PAM: variants seen among roughly 807,000 people sequenced by gnomAD.
The protein encoded by PAM is peptidyl-glycine alpha-amidating monooxygenase.
PAM carries 72 observed loss-of-function variants against 122.1 expected under a neutral mutation model. The observed-to-expected ratio is 0.59, with a 90% CI of 0.49 to 0.72. The LOEUF is 0.72. Ranked by LOEUF, PAM falls within the 30% of genes least tolerant of loss-of-function variation. The probability of loss-of-function intolerance (pLI) is 0.00; values close to 1 mark genes in which losing one functional copy is unlikely to be tolerated. For synonymous variants in PAM, 389 were observed against 404.4 expected, an observed-to-expected ratio of 0.96 and a Z score of 0.46; for missense variants, 1,106 against 1,183.7, an observed-to-expected ratio of 0.93 and a Z score of 0.96.
intron 22 of PAM, among the ~76,000 whole-genome samples, chr5:103,018,391 A>T (rs570404846): frequency 1.1e-4 from 16 of 152,348 alleles, no homozygotes; most frequent in African/African-American, 3.8e-4. Flanking sequence ...ATCAGATACG[A>T]TATAGGGCTT....
In PAM at chr5:102,922,944, G is replaced by A. The variant is rs111249013; in HGVS notation, c.357-2013G>A. On this transcript the variant is annotated intron_variant, in intron 5 of 25. Transcript: ENST00000438793. Reference sequence around the variant, plus strand: ...GAGCCTTTTAGCACACTTGGCACAAGGATGTCACAGACATTTCTTCCAACG... The same window carrying A: ...GAGCCTTTTAGCACACTTGGCACAAAGATGTCACAGACATTTCTTCCAACG... Among the ~76,000 whole-genome samples the A allele has an allele frequency of 5.1e-3, 775 of 152,272 alleles. 7 individuals carry two copies. Among genetic ancestry groups the A allele is most frequent in the African/African-American group, 0.018 (742 of 41,560 alleles).
At chr5:102,945,661 T>C (rs916334744) in intron 7 of PAM, among the ~76,000 whole-genome samples, 21 of 152,038 alleles carry the variant, frequency 1.4e-4, no homozygotes, top group African/African-American at 4.8e-4. Context: ...TCCCCCCCTC[T>C]CTCCTTTTTA....
chr5:102,821,212 G>T (rs1462704585), intron 1 of PAM, among the ~76,000 whole-genome samples: 2 of 152,182 alleles, frequency 1.3e-5, no homozygotes, highest in Admixed American at 1.3e-4. Flanking sequence ...TTCTTTAAGA[G>T]AAGTTTTAGC....
In PAM at chr5:102,974,218, T is replaced by A. The variant is rs772935065; in HGVS notation, c.1265T>A (p.Leu422Gln). The A allele has an allele frequency of 6.2e-7, 1 of 1,613,772 alleles. No individual in the cohort carries two copies. The highest frequency in any genetic ancestry group is 1.7e-5 in the Admixed American group (1 of 59,996). Residue 422 changes from leucine (L) to glutamine (Q), a missense_variant, in exon 15 of 26, where the codon CTG becomes CAG. Leu to Gln is a moderately radical substitution (Grantham distance 113). This residue lies in a region of PAM where 670 missense variants were observed against 690.3 expected (regional missense o/e 0.97). Transcript: ENST00000438793. ...GAAAAGGCAGAATCAGAGTCAGACCTGGTAGCTGAGATTGCAAATGTAGTC... is the reference window on the plus strand; with the variant it reads ...GAAAAGGCAGAATCAGAGTCAGACCAGGTAGCTGAGATTGCAAATGTAGTC... ...PTEKAESESD[L>Q]VAEIANVVQK...
At chr5:103,006,036 G>A (rs1394425535) in intron 18 of PAM, among the ~76,000 whole-genome samples, 1 of 152,066 alleles carries the variant, frequency 6.6e-6, no homozygotes, top group East Asian at 1.9e-4. Flanking sequence ...CCAGGCTGAG[G>A]TGATCCTCCC....
intron 1 of PAM, among the ~76,000 whole-genome samples, chr5:102,848,773 G>C (rs530925816): frequency 4.6e-5 from 7 of 152,282 alleles, no homozygotes; most frequent in Non-Finnish European, 8.8e-5. Flanking sequence ...CAGTGGAAAA[G>C]AAATGCCAGG....
intron 1 of PAM, among the ~76,000 whole-genome samples, chr5:102,757,871 CA>C (rs1313659686): frequency 1.3e-5 from 2 of 150,684 alleles, no homozygotes; most frequent in African/African-American, 2.4e-5. Flanking sequence ...CTTCTCTCTA[CA>C]AAAAATATTA....
intron 3 of PAM, among the ~76,000 whole-genome samples, chr5:102,876,248 A>G (rs1789168370): frequency 6.6e-6 from 1 of 152,142 alleles, no homozygotes; most frequent in African/African-American, 2.4e-5. Context: ...CACAACAGCC[A>G]TCTTTTCAAC....
At chr5:102,966,872 T>G (rs1764230925) in intron 14 of PAM, among the ~76,000 whole-genome samples, 1 of 152,124 alleles carries the variant, frequency 6.6e-6, no homozygotes, top group Admixed American at 6.6e-5. Flanking sequence ...AATGAAGAAC[T>G]AGTAATGTGT....
chr5:102,823,446 T>C (rs1580578870), intron 1 of PAM, among the ~76,000 whole-genome samples: 2 of 152,152 alleles, frequency 1.3e-5, no homozygotes, highest in Admixed American at 1.3e-4. Context: ...CCTTAAAGTA[T>C]TTCAAATATG....
At chr5:102,988,857 G>T (rs1358672089) in intron 15 of PAM, among the ~76,000 whole-genome samples, 1 of 152,124 alleles carries the variant, frequency 6.6e-6, no homozygotes, top group East Asian at 1.9e-4. Context: ...GGGTGAAAAG[G>T]TACTTTTCTG....
At chr5:102,796,990 G>A (rs1350085164) in intron 1 of PAM, among the ~76,000 whole-genome samples, 1 of 152,170 alleles carries the variant, frequency 6.6e-6, no homozygotes, top group Admixed American at 6.5e-5. Flanking sequence ...ATGCTTCATT[G>A]CCAAGTTTCA....
intron 4 of PAM, among the ~76,000 whole-genome samples, chr5:102,907,979 A>C (rs867692518): frequency 2.0e-5 from 3 of 151,902 alleles, no homozygotes; most frequent in African/African-American, 7.2e-5. Context: ...TAGTTTAATT[A>C]GATCCCATTT....
At chr5:102,826,855 T>C (rs1773791059) in intron 1 of PAM, among the ~76,000 whole-genome samples, 1 of 152,164 alleles carries the variant, frequency 6.6e-6, no homozygotes, top group Non-Finnish European at 1.5e-5. Context: ...AAGTAAAAAT[T>C]AGCTGCTCCC....
At chr5:102,786,185 C>A (rs1277809679) in intron 1 of PAM, among the ~76,000 whole-genome samples, 1 of 152,134 alleles carries the variant, frequency 6.6e-6, no homozygotes, top group Non-Finnish European at 1.5e-5. Flanking sequence ...TTAAAGGAGG[C>A]AATTTTGTGT....
chr5:103,002,610 T>TA (rs1777740512), intron 16 of PAM, among the ~76,000 whole-genome samples: 1 of 152,180 alleles, frequency 6.6e-6, no homozygotes, highest in African/African-American at 2.4e-5. Flanking sequence ...ATGACAAAGT[T>TA]AAAATAAGTC....
intron 24 of PAM, among the ~76,000 whole-genome samples, chr5:103,026,477 A>G (rs1784970858): frequency 6.6e-6 from 1 of 152,208 alleles, no homozygotes; most frequent in Non-Finnish European, 1.5e-5. Context: ...TGTGCCATCA[A>G]TAAATCTCTA....
intron 1 of PAM, among the ~76,000 whole-genome samples, chr5:102,863,999 TA>T (rs1337517970): frequency 1.3e-5 from 2 of 151,448 alleles, no homozygotes; most frequent in African/African-American, 4.8e-5. Context: ...ATAAGTGGAA[TA>T]TTTTTTTCAA....
At chr5:102,850,575 A>C (rs1396895336) in intron 1 of PAM, among the ~76,000 whole-genome samples, 1 of 152,194 alleles carries the variant, frequency 6.6e-6, no homozygotes, top group African/African-American at 2.4e-5. Context: ...TCACTGGCAG[A>C]GGGAAAAAGA....
Sources: allele counts gnomAD v4.1 joint callset (sites outside exome capture counted in the v4.1 genomes callset), GRCh38; gene constraint gnomAD v4.1.1; regional missense constraint gnomAD v4.1.1; transcripts MANE v1.5; gene names NCBI Gene and HGNC (gene_info 2026-07-23, HGNC 2026-07-21).